The following DPYSL2 variants were observed in gnomAD, a reference collection of about 807,000 sequenced individuals.
DPYSL2 encodes dihydropyrimidinase like 2.
A neutral mutation model predicts 69.9 loss-of-function variants in DPYSL2; 13 were observed. The observed-to-expected ratio is 0.19, with a 90% CI of 0.12 to 0.30. DPYSL2 has a LOEUF of 0.30. Among genes scored for constraint, DPYSL2 ranks in the 10% least tolerant of loss-of-function variants. DPYSL2 has a pLI of 1.00. For synonymous variants in DPYSL2, 326 were observed against 359.1 expected, an observed-to-expected ratio of 0.91 and a Z score of 1.04; for missense variants, 587 against 918.9, an observed-to-expected ratio of 0.64 and a Z score of 4.67.
At chr8:26,555,218 G>A (rs1800926730) in intron 1 of DPYSL2, among the ~76,000 whole-genome samples, 1 of 151,932 alleles carries the variant, frequency 6.6e-6, no homozygotes, top group South Asian at 2.1e-4. Flanking sequence ...TCCCTTCTCA[G>A]CACTTGTATT....
chr8:26,545,474 G>A (rs1355801662), intron 1 of DPYSL2, among the ~76,000 whole-genome samples: 5 of 152,266 alleles, frequency 3.3e-5, no homozygotes, highest in African/African-American at 9.6e-5. Context: ...AGTGGCTCAC[G>A]CCTGTAATCT....
chr8:26,612,026 C>A (rs1802240637), intron 3 of DPYSL2, among the ~76,000 whole-genome samples: 1 of 152,240 alleles, frequency 6.6e-6, no homozygotes, highest in South Asian at 2.1e-4. Context: ...GCCATTTAAT[C>A]ATGTGGTTGT....
intron 8 of DPYSL2, among the ~76,000 whole-genome samples, chr8:26,639,393 C>T (rs1428499297): frequency 2.6e-5 from 4 of 152,198 alleles, no homozygotes; most frequent in African/African-American, 9.7e-5. Flanking sequence ...GCATCGGAGT[C>T]CAAAGGCAGA....
rs997146700 is a variant in DPYSL2, at chr8:26,562,324, T to C, written c.355-19645T>C. Among the ~76,000 whole-genome samples the C allele has an allele frequency of 2.6e-5, 4 of 152,226 alleles. No individual in the cohort carries two copies. Among genetic ancestry groups the C allele is most frequent in the African/African-American group, 7.2e-5 (3 of 41,468 alleles). On this transcript the variant is annotated intron_variant, in intron 1 of 13. Transcript: ENST00000521913. This position sits in a 1 kb window ranked among gnomAD's most constrained non-coding sequence, Gnocchi z 4.9. ...ACCAGAGTTAATACTTGCAAAGCACTGAGAACAATGCCTGGCCCAGTAATT... is the reference window on the plus strand; with the variant it reads ...ACCAGAGTTAATACTTGCAAAGCACCGAGAACAATGCCTGGCCCAGTAATT...
intron 3 of DPYSL2, among the ~76,000 whole-genome samples, chr8:26,618,778 CAAAAAAA>C (rs71216765): frequency 4.7e-5 from 4 of 85,182 alleles, no homozygotes; most frequent in African/African-American, 1.4e-4. Context: ...CCATCTCTAC[CAAAAAAA>C]AAAAAAAAAA....
At chr8:26,606,486 G>A (rs1802110367) in intron 3 of DPYSL2, among the ~76,000 whole-genome samples, 1 of 151,996 alleles carries the variant, frequency 6.6e-6, no homozygotes, top group Non-Finnish European at 1.5e-5. Flanking sequence ...TAGGACATTC[G>A]ACTTGCAATA....
chr8:26,655,210 T>C (rs1374114971), intron 13 of DPYSL2, among the ~76,000 whole-genome samples: 1 of 152,098 alleles, frequency 6.6e-6, no homozygotes, highest in Non-Finnish European at 1.5e-5. Context: ...GAACAAAGAA[T>C]GTGAGGCCGG....
chr8:26,625,901 ATGT>A lies in DPYSL2; in HGVS notation c.794-710_794-708del, dbSNP rs566035639. 5.5e-4 allele frequency among the ~76,000 whole-genome samples: 84 copies of A among 152,234 alleles called. 1 individual carries two copies. In the South Asian group the frequency reaches 0.014, roughly 25 times the overall value. On this transcript the variant is annotated intron_variant, in intron 4 of 13. Transcript: ENST00000521913. ...TTCATTGTTTTAAAATACACTCATA[ATGT>A]TGTTGCAACCATCACCACCCTCCAT...
At chr8:26,600,888 CCTT>C (rs1409913169) in intron 3 of DPYSL2, among the ~76,000 whole-genome samples, 1 of 152,190 alleles carries the variant, frequency 6.6e-6, no homozygotes, top group Non-Finnish European at 1.5e-5. Flanking sequence ...CTTTTGTGAG[CCTT>C]CTTCTTTCTG....
At chr8:26,524,127 T>C (rs764437980) in intron 1 of DPYSL2, among the ~76,000 whole-genome samples, 2 of 152,238 alleles carry the variant, frequency 1.3e-5, no homozygotes, top group Non-Finnish European at 2.9e-5. Context: ...CCATTTGACA[T>C]TCCCAACAAC....
chr8:26,616,702 G>T (rs780159327), intron 3 of DPYSL2, among the ~76,000 whole-genome samples: 3 of 152,208 alleles, frequency 2.0e-5, no homozygotes, highest in Admixed American at 1.3e-4. Context: ...TACCCGAGGC[G>T]GGGTCGGAGG....
At chr8:26,635,220 A>T (rs1339631166) in intron 8 of DPYSL2, among the ~76,000 whole-genome samples, 1 of 152,214 alleles carries the variant, frequency 6.6e-6, no homozygotes, top group Non-Finnish European at 1.5e-5. Flanking sequence ...TACACAGATT[A>T]CGTCAGTTTC....
intron 3 of DPYSL2, among the ~76,000 whole-genome samples, chr8:26,606,735 GA>G (rs2129835716): frequency 6.6e-6 from 1 of 152,174 alleles, no homozygotes; most frequent in African/African-American, 2.4e-5. Flanking sequence ...TAAGTAAGCT[GA>G]AAAAAATGAA....
Position 26,564,918 on chromosome 8 carries a change from C to G in DPYSL2, c.355-17051C>G, listed in dbSNP as rs539339098. Among the ~76,000 whole-genome samples, 3 of 152,068 alleles carry G rather than the reference C, an allele frequency of 2.0e-5. No individual in the cohort carries two copies. The highest frequency in any genetic ancestry group is 3.9e-4 in the East Asian group (2 of 5,182). On this transcript the variant is annotated intron_variant, in intron 1 of 13. Coordinates refer to ENST00000521913, the MANE Select transcript of DPYSL2 (RefSeq NM_001197293.3). This position sits in a 1 kb window ranked among gnomAD's most constrained non-coding sequence, Gnocchi z 4.8. ...GTGTAGTTTTTTTTTATGCCTAGCC[C>G]CATTCCCACCCTCCTTCTTCTGAGT...
chr8:26,536,400 G>C (rs947478556), intron 1 of DPYSL2, among the ~76,000 whole-genome samples: 3 of 152,002 alleles, frequency 2.0e-5, no homozygotes, highest in Non-Finnish European at 4.4e-5. Flanking sequence ...GCCAGGCATG[G>C]TGGCTCATGC....
chr8:26,638,285 A>T (rs116047834), intron 8 of DPYSL2, among the ~76,000 whole-genome samples: 5 of 152,290 alleles, frequency 3.3e-5, no homozygotes, highest in African/African-American at 1.2e-4. Context: ...CCCAGAAGGG[A>T]GTCTCAGAGA....
intron 1 of DPYSL2, among the ~76,000 whole-genome samples, chr8:26,530,261 G>A (rs2117610748): frequency 6.6e-6 from 1 of 152,176 alleles, no homozygotes; most frequent in Non-Finnish European, 1.5e-5. Flanking sequence ...TTTCCAAGTA[G>A]GGTCAGTTTT....
intron 8 of DPYSL2, among the ~76,000 whole-genome samples, chr8:26,639,676 T>C (rs996906146): frequency 6.6e-6 from 1 of 152,242 alleles, no homozygotes; most frequent in South Asian, 2.1e-4. Context: ...ACTCTCGTTA[T>C]ACTTGTTAAT....
In DPYSL2 at chr8:26,641,335, ACTTACACAGCCCTCAC is replaced by A. The variant is rs2129964346; in HGVS notation, c.1127-2100_1127-2085del. Among the ~76,000 whole-genome samples the A allele has an allele frequency of 6.6e-6, 1 of 152,294 alleles. No homozygotes were observed. The highest frequency in any genetic ancestry group is 1.9e-4 in the East Asian group (1 of 5,188). On this transcript the variant is annotated intron_variant, in intron 8 of 13. Transcript: ENST00000521913. This position sits in a 1 kb window ranked among gnomAD's most constrained non-coding sequence, Gnocchi z 4.1. ...GCCACGCATCTCTTGTTTTCCTGTG[ACTTACACAGCCCTCAC>A]CTTTGTGCTTAGATGGACTGTGGCC...
Sources: allele counts gnomAD v4.1 joint callset (sites outside exome capture counted in the v4.1 genomes callset), GRCh38; gene constraint gnomAD v4.1.1; non-coding constraint Gnocchi (gnomAD v3.1); transcripts MANE v1.5; gene names NCBI Gene and HGNC (gene_info 2026-07-23, HGNC 2026-07-21).